KIZ: variants seen among roughly 807,000 people sequenced by gnomAD.
The protein encoded by KIZ is centrosomal protein kizuna.
KIZ carries 68 observed loss-of-function variants against 79.6 expected under a neutral mutation model. That is an observed-to-expected ratio of 0.85 (90% CI 0.70 to 1.05). KIZ has a LOEUF of 1.05. KIZ is among the 50% of genes least tolerant of loss of function. The pLI, the probability that KIZ is intolerant of heterozygous loss-of-function variation, is 0.00. For synonymous variants in KIZ, 280 were observed against 281.8 expected (o/e 0.99, Z 0.06); for missense variants, 797 against 800.4 (o/e 1.00, Z 0.05).
At chr20:21,220,110 T>C (rs1394354037) in intron 9 of KIZ, among the ~76,000 whole-genome samples, 1 of 150,104 alleles carries the variant, frequency 6.7e-6, no homozygotes, top group Non-Finnish European at 1.5e-5. Context: ...ATTAGATGTA[T>C]TGATACAATA....
chr20:21,181,099 A>T (rs1304770770), intron 6 of KIZ, among the ~76,000 whole-genome samples: 1 of 152,258 alleles, frequency 6.6e-6, no homozygotes, highest in African/African-American at 2.4e-5. Context: ...TGAGGGCTGC[A>T]GTATGAACAG....
intron 6 of KIZ, among the ~76,000 whole-genome samples, chr20:21,174,723 T>C: frequency 6.6e-6 from 1 of 152,154 alleles, no homozygotes; most frequent in East Asian, 1.9e-4. Context: ...TTAAACTAAG[T>C]CACATGAAAG....
intron 6 of KIZ, among the ~76,000 whole-genome samples, chr20:21,178,458 A>G (rs1257707676): frequency 6.6e-6 from 1 of 150,530 alleles, no homozygotes; most frequent in African/African-American, 2.4e-5. Context: ...TTCATTTATT[A>G]ATTCTAACAG....
intron 9 of KIZ, among the ~76,000 whole-genome samples, chr20:21,225,002 GTC>G (rs1164914292): frequency 2.0e-5 from 3 of 152,042 alleles, no homozygotes; most frequent in African/African-American, 7.2e-5. Flanking sequence ...AAAAAAAACA[GTC>G]TCAGCAATCC....
rs780138557 is a variant in KIZ at position 21,224,756 on chromosome 20, C to G, written c.1679-4255C>G. 2.0e-5 allele frequency among the ~76,000 whole-genome samples: 3 copies of G among 152,234 alleles called. No individual in the cohort carries two copies. In the South Asian group the frequency reaches 6.2e-4, roughly 32 times the overall value. On this transcript the variant is annotated intron_variant, in intron 9 of 12. Transcript: ENST00000619189. ...TGGTGAACCACGTGTTTGTCTGGCT[C>G]TTGTAATGGGGTGTTAAAAGCACTT...
At chr20:21,244,015 C>T (rs1254823212) in intron 11 of KIZ, among the ~76,000 whole-genome samples, 1 of 152,154 alleles carries the variant, frequency 6.6e-6, no homozygotes. Context: ...CCATGCAGAC[C>T]TGCCGAGGGG....
At chr20:21,223,520 G>C (rs1304488070) in intron 9 of KIZ, among the ~76,000 whole-genome samples, 3 of 152,122 alleles carry the variant, frequency 2.0e-5, no homozygotes, top group African/African-American at 7.2e-5. Context: ...ATTGCAGAAA[G>C]TCTGGATGTG....
upstream of KIZ, chr20:21,125,990 T>A (rs933779321): frequency 1.7e-5 from 22 of 1,308,008 alleles, no homozygotes; most frequent in South Asian, 4.3e-4. Flanking sequence ...CACGGCGTCT[T>A]GCCCCGCCTC....
chr20:21,202,043 A>G (rs1263807399), intron 6 of KIZ, among the ~76,000 whole-genome samples: 2 of 152,198 alleles, frequency 1.3e-5, no homozygotes, highest in African/African-American at 4.8e-5. Flanking sequence ...AATCAATTTT[A>G]TCCTTTTGTG....
chr20:21,229,802 C>T (rs990634169), intron 10 of KIZ, among the ~76,000 whole-genome samples: 1 of 152,142 alleles, frequency 6.6e-6, no homozygotes, highest in Non-Finnish European at 1.5e-5. Flanking sequence ...TCTCAAACTC[C>T]TGGACTCAAG....
intron 6 of KIZ, among the ~76,000 whole-genome samples, chr20:21,201,339 A>G (rs1177808896): frequency 1.3e-5 from 2 of 152,234 alleles, no homozygotes; most frequent in East Asian, 3.8e-4. Context: ...ACATTTTAAT[A>G]TAAAAATGAT....
intron 3 of KIZ, among the ~76,000 whole-genome samples, chr20:21,140,135 C>T (rs2032435605): frequency 6.6e-6 from 1 of 152,194 alleles, no homozygotes; most frequent in Non-Finnish European, 1.5e-5. Flanking sequence ...TTTCTTTCTG[C>T]TTCTTCCTTT....
intron 4 of KIZ, among the ~76,000 whole-genome samples, chr20:21,155,244 G>A (rs571577621): frequency 8.5e-5 from 13 of 152,102 alleles, no homozygotes; most frequent in Non-Finnish European, 1.8e-4. Flanking sequence ...ATTATTCATA[G>A]TAGCCAAAAA....
intron 4 of KIZ, chr20:21,151,813 T>C (rs1235200043): frequency 8.5e-5 from 13 of 152,178 alleles, no homozygotes. Context: ...AGTCCCACTT[T>C]TGGTAATCTG....
chr20:21,228,494 A>T (rs2036726487), intron 9 of KIZ, among the ~76,000 whole-genome samples: 1 of 151,994 alleles, frequency 6.6e-6, no homozygotes, highest in African/African-American at 2.4e-5. Flanking sequence ...CTCCTTCCCC[A>T]TGGCAAGACT....
chr20:21,226,915 G>A (rs1317587419), intron 9 of KIZ, among the ~76,000 whole-genome samples: 1 of 152,184 alleles, frequency 6.6e-6, no homozygotes, highest in African/African-American at 2.4e-5. Context: ...GAAGTGGTGG[G>A]CTCTGGTTGC....
intron 10 of KIZ, 22 bp downstream of exon 10, chr20:21,229,137 T>C (rs1410027737): frequency 2.9e-6 from 4 of 1,397,614 alleles, no homozygotes; most frequent in East Asian, 2.3e-5. Flanking sequence ...CAGATGGCAG[T>C]GTCCAGGGGC....
chr20:21,212,277 A>G (rs2036100433), intron 7 of KIZ, among the ~76,000 whole-genome samples: 1 of 152,246 alleles, frequency 6.6e-6, no homozygotes, highest in Non-Finnish European at 1.5e-5. Context: ...AGTATTGAGT[A>G]GTGAAGATAA....
At chr20:21,181,203 A>T (rs2034640659) in intron 6 of KIZ, among the ~76,000 whole-genome samples, 1 of 152,182 alleles carries the variant, frequency 6.6e-6, no homozygotes, top group South Asian at 2.1e-4. Flanking sequence ...GCACCACTGT[A>T]GGCCCAGGGG....
Sources: allele counts gnomAD v4.1 joint callset (sites outside exome capture counted in the v4.1 genomes callset), GRCh38; gene constraint gnomAD v4.1.1; transcripts MANE v1.5; gene names NCBI Gene and HGNC (gene_info 2026-07-23, HGNC 2026-07-21).